The following BLTP1 variants were observed in gnomAD, a reference collection of about 807,000 sequenced individuals.
BLTP1 encodes the protein bridge-like lipid transfer protein family member 1.
At chr4:122,262,893 A>T in the BLTP1 span, 1 of 1,614,056 alleles carries the variant, frequency 6.2e-7, no homozygotes, top group Non-Finnish European at 8.5e-7. Flanking sequence ...CAGCTACCTG[A>T]CTGGAAGCTT....
the BLTP1 span, chr4:122,240,232 T>C: frequency 1.2e-6 from 2 of 1,614,142 alleles, no homozygotes; most frequent in Non-Finnish European, 1.7e-6. Flanking sequence ...AATTGGTCAG[T>C]TAAGCACCCA....
At chr4:122,308,015 A>G in the BLTP1 span, 1 of 1,613,568 alleles carries the variant, frequency 6.2e-7, no homozygotes, top group Non-Finnish European at 8.5e-7. Context: ...ATGGCTTTAC[A>G]TAAGGATATT....
At chr4:122,299,070 C>T in the BLTP1 span, 3 of 978,552 alleles carry the variant, frequency 3.1e-6, no homozygotes, top group African/African-American at 5.5e-5. Context: ...ATATATATGG[C>T]CCTTCCCCTT....
chr4:122,264,004 C>T, the BLTP1 span: 2 of 656,464 alleles, frequency 3.0e-6, no homozygotes, highest in Non-Finnish European at 3.8e-6. Flanking sequence ...TTAATTAAAT[C>T]TAAAACAGTA....
the BLTP1 span, among the ~76,000 whole-genome samples, chr4:122,361,006 C>T: frequency 1.3e-5 from 2 of 152,098 alleles, no homozygotes; most frequent in African/African-American, 4.8e-5. Context: ...CTGAGCTAGG[C>T]CAAAACACCT....
the BLTP1 span, among the ~76,000 whole-genome samples, chr4:122,327,584 T>G: frequency 6.6e-6 from 1 of 151,684 alleles, no homozygotes; most frequent in Non-Finnish European, 1.5e-5. Context: ...CATTTTTCTT[T>G]AACTCATGTG....
the BLTP1 span, chr4:122,273,248 T>A: frequency 1.0e-6 from 1 of 971,878 alleles, no homozygotes; most frequent in Non-Finnish European, 1.2e-6. Flanking sequence ...TACTTTTTGT[T>A]ATATACCCTT....
the BLTP1 span, chr4:122,174,351 C>T: frequency 1.0e-6 from 1 of 981,000 alleles, no homozygotes; most frequent in Non-Finnish European, 1.2e-6. Flanking sequence ...ATATCCTCTT[C>T]AGGTTATTTA....
chr4:122,325,083 G>A, the BLTP1 span: 2 of 700,860 alleles, frequency 2.9e-6, no homozygotes, highest in Non-Finnish European at 4.3e-6. Flanking sequence ...TTTTTTATGG[G>A]ATGCTAAAGG....
At chr4:122,250,150 A>G in the BLTP1 span, 8 of 363,710 alleles carry the variant, frequency 2.2e-5, no homozygotes, top group African/African-American at 1.8e-4. Context: ...AGGTTTAGTA[A>G]TATATAATAT....
the BLTP1 span, chr4:122,354,140 T>C: frequency 1.2e-6 from 1 of 836,678 alleles, no homozygotes; most frequent in South Asian, 1.8e-5. Flanking sequence ...CATTTTAATC[T>C]TGCTGGCTGA....
the BLTP1 span, chr4:122,172,372 A>G: frequency 3.0e-6 from 2 of 675,132 alleles, no homozygotes; most frequent in African/African-American, 2.0e-5. Context: ...TGCCTTTTGT[A>G]TATTCATGAA....
the BLTP1 span, chr4:122,180,127 G>A: frequency 1.0e-5 from 10 of 984,796 alleles, no homozygotes; most frequent in African/African-American, 1.6e-4. Context: ...GATTCTTCAG[G>A]AACTGGACAA....
the BLTP1 span, chr4:122,235,038 C>A: frequency 6.3e-7 from 1 of 1,579,172 alleles, no homozygotes; most frequent in Non-Finnish European, 8.6e-7. Flanking sequence ...TAAAATGTTT[C>A]GTCACTTGTG....
chr4:122,304,094 A>G, the BLTP1 span, among the ~76,000 whole-genome samples: 1 of 152,174 alleles, frequency 6.6e-6, no homozygotes, highest in African/African-American at 2.4e-5. Context: ...GTCACCCCAG[A>G]CTTCAACAAC....
At chr4:122,234,966 T>C in the BLTP1 span, 1 of 1,613,576 alleles carries the variant, frequency 6.2e-7, no homozygotes, top group Non-Finnish European at 8.5e-7. Context: ...TTATGGACAG[T>C]CTCTGCTACA....
chr4:122,231,695 T>C, the BLTP1 span: 3 of 971,950 alleles, frequency 3.1e-6, no homozygotes, highest in Admixed American at 1.8e-4. Context: ...TGTTAACATA[T>C]AAAACTCGAA....
the BLTP1 span, chr4:122,232,062 A>C: frequency 2.0e-4 from 201 of 985,416 alleles, 1 homozygote; most frequent in Admixed American, 2.9e-3. Context: ...CAAGGTGCGA[A>C]TGGAACTAAG....
the BLTP1 span, among the ~76,000 whole-genome samples, chr4:122,272,877 G>T: frequency 6.6e-6 from 1 of 151,992 alleles, no homozygotes; most frequent in Non-Finnish European, 1.5e-5. Context: ...CACAAGGTAT[G>T]ATATTTTGTC....
Sources: allele counts gnomAD v4.1 joint callset (sites outside exome capture counted in the v4.1 genomes callset), GRCh38; gene constraint gnomAD v4.1.1; transcripts MANE v1.5; gene names NCBI Gene and HGNC (gene_info 2026-07-23, HGNC 2026-07-21).